The following FRMD5 variants were observed in gnomAD, a reference collection of about 807,000 sequenced individuals.
FRMD5 encodes FERM domain containing 5.
Under a neutral mutation model 69.0 loss-of-function variants are expected in FRMD5, and 20 were observed. The observed-to-expected ratio is 0.29, with a 90% confidence interval of 0.20 to 0.42. FRMD5 has a LOEUF of 0.42. Ranked by LOEUF, FRMD5 falls within the 10% of genes least tolerant of loss-of-function variation. The pLI is 1.00. For synonymous variants in FRMD5, 271 were observed against 260.1 expected, an observed-to-expected ratio of 1.04 and a Z score of -0.40; for missense variants, 595 against 708.6, an observed-to-expected ratio of 0.84 and a Z score of 1.82.
chr15:44,134,712 A>C (rs1201142900), intron 1 of FRMD5, among the ~76,000 whole-genome samples: 1 of 152,154 alleles, frequency 6.6e-6, no homozygotes, highest in Non-Finnish European at 1.5e-5. Flanking sequence ...GGCCTCTCAA[A>C]GTGCTGGGAT....
intron 1 of FRMD5, among the ~76,000 whole-genome samples, chr15:43,955,895 C>A (rs1282504751): frequency 6.6e-6 from 1 of 151,842 alleles, no homozygotes; most frequent in African/African-American, 2.4e-5. Flanking sequence ...ACTGAGGATC[C>A]ATTTGGGGTT....
intron 1 of FRMD5, among the ~76,000 whole-genome samples, chr15:44,125,634 G>A (rs1451300327): frequency 2.6e-5 from 4 of 152,288 alleles, no homozygotes; most frequent in African/African-American, 9.6e-5. Context: ...ACTAACTACT[G>A]TGATTTGACA....
rs1180058361 is a variant in FRMD5, at chr15:43,874,158, C to T, written c.1440G>A (p.Arg480=). ...TEVEALGGEL[R]ALCQGHSGPE... is the part of the protein sequence containing the mutation. ...GCCCGCTGTGCCCCTGACACAGGGC[C>T]CTCAGCTCTCCCCCAAGGGCCTCCA... The change falls in exon 14 of 14, where the codon AGG becomes AGA. Residue 480 remains arginine (R), a synonymous_variant. Coordinates refer to ENST00000417257, the MANE Select transcript of FRMD5 (RefSeq NM_032892.5). The T allele has an allele frequency of 1.2e-6, 2 of 1,614,156 alleles. No individual in the cohort carries two copies. Among genetic ancestry groups the T allele is most frequent in the Admixed American group, 3.3e-5 (2 of 60,022 alleles).
chr15:43,982,360 A>G (rs2090561328), intron 1 of FRMD5, among the ~76,000 whole-genome samples: 1 of 152,254 alleles, frequency 6.6e-6, no homozygotes, highest in Non-Finnish European at 1.5e-5. Flanking sequence ...CAAAACATCA[A>G]TGGAATCAAT....
intron 1 of FRMD5, among the ~76,000 whole-genome samples, chr15:44,146,031 G>A (rs139773393): frequency 2.0e-5 from 3 of 152,284 alleles, no homozygotes; most frequent in African/African-American, 7.2e-5. Context: ...GGATACATGT[G>A]CAGGACATGC....
chr15:43,936,666 C>T (rs1229776572), intron 1 of FRMD5, among the ~76,000 whole-genome samples: 2 of 151,354 alleles, frequency 1.3e-5, no homozygotes, highest in Non-Finnish European at 2.9e-5. Flanking sequence ...AAATCAGAGT[C>T]TAGCTTAACT....
chr15:43,963,319 C>A (rs998206811), intron 1 of FRMD5, among the ~76,000 whole-genome samples: 2 of 152,220 alleles, frequency 1.3e-5, no homozygotes, highest in Non-Finnish European at 2.9e-5. Context: ...CTCATCATCA[C>A]TGGCCATCAG....
chr15:43,883,996 A>C (rs555268278), intron 12 of FRMD5, among the ~76,000 whole-genome samples, 187 bp from the exon 13 acceptor site: 128 of 151,582 alleles, frequency 8.4e-4, no homozygotes, highest in African/African-American at 3.1e-3. Context: ...AGTGCTTCAA[A>C]CTCCTCCACC....
intron 1 of FRMD5, among the ~76,000 whole-genome samples, chr15:44,105,233 C>T (rs989605651): frequency 7.9e-5 from 12 of 151,876 alleles, no homozygotes; most frequent in African/African-American, 2.2e-4. Context: ...CGCAACACCT[C>T]GCCCAGCTAA....
At chr15:43,924,430 T>A (rs2089547930) in intron 1 of FRMD5, 121 bp from the exon 2 acceptor site, 2 of 675,034 alleles carry the variant, frequency 3.0e-6, no homozygotes, top group Non-Finnish European at 5.2e-6. Context: ...GGGGTGAATG[T>A]CCATAACTAT....
intron 1 of FRMD5, among the ~76,000 whole-genome samples, chr15:44,186,793 G>A (rs529476433): frequency 1.2e-4 from 19 of 152,138 alleles, no homozygotes; most frequent in Non-Finnish European, 2.5e-4. Context: ...GCATTCTGCC[G>A]AACACTGATT....
Position 43,873,177 on chromosome 15 carries a change from C to T in FRMD5, c.*708G>A. 2 of 1,550,446 alleles carry T rather than the reference C, an allele frequency of 1.3e-6. No homozygotes were observed. Among genetic ancestry groups the T allele is most frequent in the Non-Finnish European group, 8.7e-7 (1 of 1,146,878 alleles). ...ACTAAGGGGACAGACTTACCCCACC[C>T]CTGATGCTGCTGTTGCTGTAGCGGT... On this transcript the variant is annotated 3_prime_UTR_variant, in exon 14 of 14. Coordinates refer to ENST00000417257, the MANE Select transcript of FRMD5 (RefSeq NM_032892.5).
chr15:44,199,000 C>T (rs1256035597), upstream of FRMD5, among the ~76,000 whole-genome samples: 1 of 152,134 alleles, frequency 6.6e-6, no homozygotes, highest in Admixed American at 6.5e-5. Context: ...GGTACTATCC[C>T]CCACGTATGC....
intron 1 of FRMD5, among the ~76,000 whole-genome samples, chr15:44,107,706 T>C (rs2076739893): frequency 6.6e-6 from 1 of 152,364 alleles, no homozygotes; most frequent in Non-Finnish European, 1.5e-5. Flanking sequence ...TTAGAAATGC[T>C]GAAGTTATTT....
At chr15:44,196,905 A>G (rs2078312255), upstream of FRMD5, among the ~76,000 whole-genome samples, 1 of 151,842 alleles carries the variant, frequency 6.6e-6, no homozygotes, top group Admixed American at 6.6e-5. Context: ...TGCAATTTGG[A>G]TGGAGTTAGT....
intron 1 of FRMD5, among the ~76,000 whole-genome samples, chr15:44,089,901 G>A (rs1217877913): frequency 6.6e-6 from 1 of 152,060 alleles, no homozygotes; most frequent in Non-Finnish European, 1.5e-5. Flanking sequence ...TGGCTGATTA[G>A]GCCTAAGGGC....
At chr15:44,030,135 C>G (rs769208940) in intron 1 of FRMD5, among the ~76,000 whole-genome samples, 27 of 152,062 alleles carry the variant, frequency 1.8e-4, no homozygotes, top group Non-Finnish European at 3.4e-4. Context: ...AACAGAATTC[C>G]TGGCATAACT....
At chr15:44,161,675 T>C (rs1392093782) in intron 1 of FRMD5, among the ~76,000 whole-genome samples, 1 of 152,236 alleles carries the variant, frequency 6.6e-6, no homozygotes, top group East Asian at 1.9e-4. Flanking sequence ...GGATGGCATA[T>C]GGTGACCAAC....
At position 43,922,854 on chromosome 15, in the gene FRMD5, G is replaced by A. The variant is rs150942956; in HGVS notation, c.207+1351C>T. 6.4e-3 allele frequency among the ~76,000 whole-genome samples: 980 copies of A among 152,176 alleles called. 8 individuals are homozygous for A. The highest frequency in any genetic ancestry group is 9.4e-3 in the Non-Finnish European group (639 of 68,010). The stretch of plus-strand genomic sequence containing the variant: ...TCCGCGAATTTTTGTATTTTTAGTG[G>A]AGACGGGGTTTTGCCATGTTGCCCA... On this transcript the variant is annotated intron_variant, in intron 2 of 13. Coordinates refer to ENST00000417257, the MANE Select transcript of FRMD5 (RefSeq NM_032892.5).
Sources: gnomAD v4.1 joint callset for allele counts (sites outside exome capture counted in the v4.1 genomes callset) on GRCh38, gnomAD v4.1.1 for gene constraint, MANE v1.5 for transcripts, NCBI Gene and HGNC (gene_info 2026-07-23, HGNC 2026-07-21) for gene names.